The following SBSPON variants were observed in gnomAD, a reference collection of about 807,000 sequenced individuals.
SBSPON encodes somatomedin-B and thrombospondin type-1 domain-containing protein.
In SBSPON, 30 loss-of-function variants were observed where a neutral mutation model predicts 35.8. The observed-to-expected ratio is 0.84, with a 90% CI of 0.63 to 1.14. The LOEUF (loss-of-function observed/expected upper bound fraction) is 1.14, where lower values mean the gene tolerates loss of function less well. Ranked by LOEUF, SBSPON falls within the 50% of genes most tolerant of loss-of-function variation. The probability of loss-of-function intolerance (pLI) is 0.00; values close to 1 mark genes in which losing one functional copy is unlikely to be tolerated. For synonymous variants in SBSPON, 136 were observed against 135.9 expected (o/e 1.00, Z 0.00); for missense variants, 364 against 357.7 (o/e 1.02, Z -0.14).
rs1810409404 is a variant in SBSPON at position 73,067,446 on chromosome 8, GA to G, written c.689del (p.Leu230ProfsTer21). ...GAGGATTACCAATTGCTTGCCAATG[GA>G]GAGTCTGATTTCTGAAACGATATTT... ...DGLDSDGNQT[L>X]HWQAIGNPRC... On this transcript the variant is annotated frameshift_variant, in exon 5 of 5. Transcript: ENST00000297354. LOFTEE classifies it high-confidence loss of function. The G allele has an allele frequency of 6.2e-7, 1 of 1,601,548 alleles. No individual in the cohort carries two copies. The highest frequency in any genetic ancestry group is 1.4e-5 in the African/African-American group (1 of 74,012).
At chr8:73,080,355 A>T (rs2130017539) in intron 2 of SBSPON, among the ~76,000 whole-genome samples, 1 of 152,220 alleles carries the variant, frequency 6.6e-6, no homozygotes, top group East Asian at 1.9e-4. Context: ...TCTACTAAAA[A>T]ATACAAAAAA....
chr8:73,075,286 G>A (rs1303999826), intron 2 of SBSPON, among the ~76,000 whole-genome samples: 2 of 152,218 alleles, frequency 1.3e-5, no homozygotes, highest in African/African-American at 4.8e-5. Context: ...GGGCTTGGTG[G>A]TGGCACATTC....
intron 1 of SBSPON, among the ~76,000 whole-genome samples, chr8:73,088,675 C>T (rs1810878199): frequency 6.9e-6 from 1 of 143,942 alleles, no homozygotes; most frequent in Non-Finnish European, 1.5e-5. Context: ...AGAATCAGAT[C>T]CCATCTCAAA....
Position 73,067,363 on chromosome 8 carries a change from A to ACAGCTG in SBSPON, c.767_772dup (p.Ala257_Val258insAlaAla), listed in dbSNP as rs1810407245. The ACAGCTG allele has an allele frequency of 3.8e-6, 6 of 1,596,758 alleles. No individual in the cohort carries two copies. Among genetic ancestry groups the ACAGCTG allele is most frequent in the Non-Finnish European group, 5.2e-6 (6 of 1,164,634 alleles). ...CATCTATATAAAAATAAAACTGTGA[A>ACAGCTG]CAGCTGGACAAGAACACTGGTCTAC... On this transcript the variant is annotated inframe_insertion, in exon 5 of 5. Coordinates refer to ENST00000297354, the MANE Select transcript of SBSPON (RefSeq NM_153225.4).
intron 4 of SBSPON, 90 bp from the exon 5 acceptor site, chr8:73,067,548 A>AG (rs1810412539): frequency 1.4e-6 from 1 of 707,430 alleles, no homozygotes; most frequent in East Asian, 2.7e-5. Flanking sequence ...GTTAAAAAAA[A>AG]CTGATCACAG....
In SBSPON at chr8:73,074,458, C is replaced by T. The variant is rs1407217434; in HGVS notation, c.410-2588G>A. ...CTCTTGAGATAGATCCTATTATTTCCCCATTTCACAGACAAGAAAATTATG... is the reference window on the plus strand; with the variant it reads ...CTCTTGAGATAGATCCTATTATTTCTCCATTTCACAGACAAGAAAATTATG... On this transcript the variant is annotated intron_variant, in intron 2 of 4. Coordinates refer to ENST00000297354, the MANE Select transcript of SBSPON (RefSeq NM_153225.4). 33 of 255,666 alleles carry T rather than the reference C, an allele frequency of 1.3e-4. No individual in the cohort carries two copies. The Admixed American group carries it at 1.8e-3, about 14-fold the overall frequency. 15.8% of individuals were successfully genotyped at this position (255,666 alleles called of 1,614,324 possible).
At chr8:73,087,912 C>A (rs973321037) in intron 1 of SBSPON, among the ~76,000 whole-genome samples, 1 of 152,200 alleles carries the variant, frequency 6.6e-6, no homozygotes, top group African/African-American at 2.4e-5. Flanking sequence ...ACCTCATAAG[C>A]AAGTTTTCCA....
At chr8:73,076,701 C>T (rs1450755148) in intron 2 of SBSPON, among the ~76,000 whole-genome samples, 1 of 151,112 alleles carries the variant, frequency 6.6e-6, no homozygotes, top group East Asian at 1.9e-4. Flanking sequence ...CCGAGAAATG[C>T]ATTGTTGCTA....
Position 73,081,085 on chromosome 8 carries a change from G to A in SBSPON, c.343C>T (p.Leu115=), listed in dbSNP as rs375795680. 4 of 1,612,898 alleles carry A rather than the reference G, an allele frequency of 2.5e-6. No homozygotes were observed. The African/African-American group carries it at 5.3e-5, about 22-fold the overall frequency. The stretch of plus-strand genomic sequence containing the variant: ...TCCAGGCAGCCAGCTCTCTCTTCCA[G>A]GGGTGGGCAGGGCGCCCCGCCGTTC... ...PQNGGAPCPP[L]EERAGCLEYS... is the part of the protein sequence containing the mutation. Residue 115 remains leucine, a synonymous_variant, in exon 2 of 5, where the codon CTG becomes TTG. Transcript: ENST00000297354.
At position 73,079,657 on chromosome 8, in the gene SBSPON, C is replaced by G. The variant is rs72655854; in HGVS notation, c.409+1362G>C. On this transcript the variant is annotated intron_variant, in intron 2 of 4. Transcript: ENST00000297354. ...GAAAGCCCCTCCTCCTCCTTCTCCC[C>G]CAAGACCGAGGGGAATCACCTGATT... 4.6e-5 allele frequency among the ~76,000 whole-genome samples: 7 copies of G among 152,128 alleles called. No individual in the cohort carries two copies. In the East Asian group the frequency reaches 5.8e-4, roughly 13 times the overall value.
chr8:73,092,411 C>A (rs1810952784), intron 1 of SBSPON, among the ~76,000 whole-genome samples: 1 of 152,178 alleles, frequency 6.6e-6, no homozygotes, highest in African/African-American at 2.4e-5. Context: ...CACAATCCTG[C>A]CCTCATCACC....
chr8:73,079,330 T>G (rs1201362452), intron 2 of SBSPON, among the ~76,000 whole-genome samples: 2 of 152,120 alleles, frequency 1.3e-5, no homozygotes, highest in Non-Finnish European at 2.9e-5. Flanking sequence ...CAGGAGTTGC[T>G]GTGCCCTCCT....
intron 2 of SBSPON, among the ~76,000 whole-genome samples, chr8:73,079,885 C>A (rs1024005735): frequency 2.6e-5 from 4 of 151,970 alleles, no homozygotes; most frequent in Non-Finnish European, 2.9e-5. Flanking sequence ...CACCTGGCAT[C>A]AAGTAGACTC....
At position 73,067,342 on chromosome 8, in the gene SBSPON, T is replaced by TGGTG; in HGVS notation, c.793_794insCACC (p.Ter265SerfsTer27). ...ATTTGGAAATATTTATATCACCATC[T>TGGTG]ATATAAAAATAAAACTGTGAACAGC... On this transcript the variant is annotated frameshift_variant and stop_lost, in exon 5 of 5. Coordinates refer to ENST00000297354, the MANE Select transcript of SBSPON (RefSeq NM_153225.4). LOFTEE classifies it high-confidence loss of function. 6.8e-7 allele frequency: 1 copy of TGGTG among 1,463,056 alleles called. No homozygotes were observed. Among genetic ancestry groups the TGGTG allele is most frequent in the South Asian group, 1.1e-5 (1 of 87,994 alleles). The allele number at this position is 1,463,056 out of a possible 1,614,324, so 90.6% of individuals were successfully genotyped here. A position where few individuals can be genotyped will look rare whatever the true frequency, so the allele number is the denominator to read the frequency against.
At chr8:73,089,111 A>G (rs60551922) in intron 1 of SBSPON, among the ~76,000 whole-genome samples, 40,637 of 152,204 alleles carry the variant, frequency 0.27, 6,257 homozygotes, top group East Asian at 0.55. Context: ...GAGGCAAAAT[A>G]TAAACAAAGA....
chr8:73,072,250 GAGAA>G (rs781279561), intron 2 of SBSPON, among the ~76,000 whole-genome samples: 40 of 151,602 alleles, frequency 2.6e-4, no homozygotes, highest in African/African-American at 8.0e-4. Context: ...AAGAGAAATA[GAGAA>G]AGAAAGGGAG....
At chr8:73,088,721 G>A (rs887595305) in intron 1 of SBSPON, among the ~76,000 whole-genome samples, 1 of 152,178 alleles carries the variant, frequency 6.6e-6, no homozygotes, top group African/African-American at 2.4e-5. Context: ...AGTCTAAGAG[G>A]CAGAATGGTT....
In SBSPON at chr8:73,067,047, CAG is replaced by C; in HGVS notation, c.*292_*293del. 1 of 234,134 alleles carries C rather than the reference CAG, an allele frequency of 4.3e-6. No individual in the cohort carries two copies. 14.5% of individuals were successfully genotyped at this position (234,134 alleles called of 1,614,324 possible). A position where few individuals can be genotyped will look rare whatever the true frequency, so the allele number is the denominator to read the frequency against. On this transcript the variant is annotated 3_prime_UTR_variant, in exon 5 of 5. Transcript: ENST00000297354. ...GTTACAGTAATTTTACTTTAGCAAA[CAG>C]ACATGTATTCTGTGTCTCACGGGCC...
In SBSPON at chr8:73,067,305, G is replaced by A; in HGVS notation, c.*36C>T. On this transcript the variant is annotated 3_prime_UTR_variant, in exon 5 of 5. Transcript: ENST00000297354. ...AACATGACTTGAGAATATTTAGAATGTTTACAAATGCATTTGGAAATATTT... is the reference window on the plus strand; with the variant it reads ...AACATGACTTGAGAATATTTAGAATATTTACAAATGCATTTGGAAATATTT... 5.0e-6 allele frequency: 6 copies of A among 1,202,640 alleles called. No homozygotes were observed. Among genetic ancestry groups the A allele is most frequent in the Non-Finnish European group, 7.4e-6 (6 of 807,632 alleles). The allele number at this position is 1,202,640 out of a possible 1,614,324, so 74.5% of individuals were successfully genotyped here.
Sources: gnomAD v4.1 joint callset for allele counts (sites outside exome capture counted in the v4.1 genomes callset) on GRCh38, gnomAD v4.1.1 for gene constraint, MANE v1.5 for transcripts, NCBI Gene and HGNC (gene_info 2026-07-23, HGNC 2026-07-21) for gene names.